Variants in DDHD2 observed in about 807,000 individuals in gnomAD.
DDHD2 encodes DDHD domain containing 2.
DDHD2 carries 62 observed loss-of-function variants against 91.2 expected under a neutral mutation model. The observed-to-expected ratio is 0.68, with a 90% CI of 0.55 to 0.84. The LOEUF (loss-of-function observed/expected upper bound fraction) is 0.84. DDHD2 is among the 40% of genes least tolerant of loss of function. DDHD2 has a pLI of 0.00. For missense variants in DDHD2, 740 were observed against 846.9 expected (o/e 0.87, Z 1.57); for synonymous variants, 271 against 293.9 (o/e 0.92, Z 0.80).
intron 16 of DDHD2, among the ~76,000 whole-genome samples, chr8:38,256,552 G>T (rs1347587901): frequency 6.6e-6 from 1 of 152,106 alleles, no homozygotes; most frequent in Non-Finnish European, 1.5e-5. Context: ...CAAACTCCCG[G>T]CCTCAAGCAG....
At chr8:38,268,722 C>T (rs1217987630) in intron 1 of DDHD2, 2 of 1,434,048 alleles carry the variant, frequency 1.4e-6, no homozygotes, top group South Asian at 1.5e-5. Context: ...CTCTCTCAAT[C>T]AGGATCTTAA....
chr8:38,254,150 C>T (rs1563313815), intron 16 of DDHD2, among the ~76,000 whole-genome samples: 1 of 151,914 alleles, frequency 6.6e-6, no homozygotes, highest in African/African-American at 2.4e-5. Flanking sequence ...ACAATCATGT[C>T]ATTTCAAGAA....
At chr8:38,236,436 CCT>C (rs1414254434) in intron 3 of DDHD2, among the ~76,000 whole-genome samples, 3 of 151,690 alleles carry the variant, frequency 2.0e-5, no homozygotes, top group Non-Finnish European at 4.4e-5. Context: ...CTCACTGCAA[CCT>C]CTGCATCCTG....
chr8:38,266,252 T>C (rs1427219188), downstream of DDHD2: 2 of 1,613,832 alleles, frequency 1.2e-6, no homozygotes, highest in Admixed American at 3.3e-5. Flanking sequence ...CCTTGTGGTG[T>C]GAAGCAGTGT....
rs1805234108 is a variant in DDHD2 at position 38,241,257 on chromosome 8, G to A, written c.712+893G>A. Among the ~76,000 whole-genome samples the A allele has an allele frequency of 2.6e-5, 4 of 151,456 alleles. No individual in the cohort carries two copies. In the South Asian group the frequency reaches 6.3e-4, roughly 24 times the overall value. On this transcript the variant is annotated intron_variant, in intron 6 of 17. Transcript: ENST00000397166. ...TTTTTTTTTCTTTAAAGTATTGGGT[G>A]GTGCTTGTTTATAAGAACCAGAAAG...
downstream of DDHD2, chr8:38,263,493 A>G: frequency 1.0e-6 from 1 of 985,386 alleles, no homozygotes; most frequent in South Asian, 4.7e-5. Flanking sequence ...TAGTGCTGAA[A>G]CCACACTCCT....
At chr8:38,266,312 C>A, downstream of DDHD2, 2 of 1,609,970 alleles carry the variant, frequency 1.2e-6, no homozygotes, top group Non-Finnish European at 1.7e-6. Flanking sequence ...GCAAATGCAA[C>A]TGGAACAAGA....
Position 38,252,743 on chromosome 8 carries a change from A to G in DDHD2, c.1639A>G (p.Ile547Val). The G allele has an allele frequency of 6.2e-7, 1 of 1,613,766 alleles. No individual in the cohort carries two copies. Among genetic ancestry groups the G allele is most frequent in the Non-Finnish European group, 8.5e-7 (1 of 1,179,838 alleles). ...YHPFDPVAYR[I>V]EPMVVPGVEF... is the part of the protein sequence containing the mutation. Reference sequence around the variant, plus strand: ...GTAGTTTGATCCTGTGGCCTATAGGATTGAACCAATGGTGGTCCCAGGAGT... The same window carrying G: ...GTAGTTTGATCCTGTGGCCTATAGGGTTGAACCAATGGTGGTCCCAGGAGT... The change falls in exon 14 of 18, where the codon ATT (isoleucine) becomes GTT (valine). Residue 547 changes from isoleucine to valine, a missense_variant. Physicochemically the swap from Ile to Val is conservative, Grantham distance 29. This residue lies in a region of DDHD2 where 693 missense variants were observed against 764.2 expected (regional missense o/e 0.91). Coordinates refer to ENST00000397166, the MANE Select transcript of DDHD2 (RefSeq NM_015214.3).
At chr8:38,255,819 C>T (rs988749851) in intron 16 of DDHD2, among the ~76,000 whole-genome samples, 1 of 151,978 alleles carries the variant, frequency 6.6e-6, no homozygotes, top group African/African-American at 2.4e-5. Context: ...GTCATTTCAC[C>T]TACTCATGAG....
chr8:38,249,232 C>G (rs955378532), intron 10 of DDHD2, among the ~76,000 whole-genome samples: 4 of 151,896 alleles, frequency 2.6e-5, no homozygotes, highest in Non-Finnish European at 5.9e-5. Context: ...CCTGCCTCAG[C>G]CTCCTGTGTA....
At chr8:38,269,158 C>A in intron 1 of DDHD2, 1 of 1,513,408 alleles carries the variant, frequency 6.6e-7, no homozygotes, top group South Asian at 1.2e-5. Context: ...GCCGCACGCC[C>A]ACTTCGGCCC....
At chr8:38,235,898 CACAA>C (rs1463450672) in intron 3 of DDHD2, among the ~76,000 whole-genome samples, 1 of 151,492 alleles carries the variant, frequency 6.6e-6, no homozygotes, top group Non-Finnish European at 1.5e-5. Flanking sequence ...CACACACACA[CACAA>C]ATACAAATGC....
downstream of DDHD2, chr8:38,267,369 G>C (rs745649397): frequency 1.2e-6 from 2 of 1,613,448 alleles, no homozygotes; most frequent in African/African-American, 1.3e-5. Context: ...GGGAAGCAGC[G>C]GTAGAAGAAA....
At chr8:38,264,904 T>A, downstream of DDHD2, 1 of 1,612,822 alleles carries the variant, frequency 6.2e-7, no homozygotes, top group Non-Finnish European at 8.5e-7. Flanking sequence ...GTAACAAAGG[T>A]CCACTTATTG....
chr8:38,240,479 A>C, intron 6 of DDHD2, 115 bp downstream of exon 6: 1 of 655,746 alleles, frequency 1.5e-6, no homozygotes, highest in Non-Finnish European at 2.5e-6. Flanking sequence ...AGTTAAAGAC[A>C]GGTGGCAAGG....
intron 16 of DDHD2, among the ~76,000 whole-genome samples, chr8:38,258,254 T>TC (rs775378812): frequency 2.6e-4 from 39 of 151,630 alleles, no homozygotes; most frequent in Non-Finnish European, 4.7e-4. Flanking sequence ...TTAATTAAAT[T>TC]CTTTTTTTTT....
chr8:38,269,232 C>A, intron 1 of DDHD2: 1 of 1,448,800 alleles, frequency 6.9e-7, no homozygotes, highest in Non-Finnish European at 9.0e-7. Context: ...GCTGCGCTGA[C>A]GTGGCCACCT....
In DDHD2 at chr8:38,262,760, T is replaced by C. The variant is rs1157524077; in HGVS notation, c.*2187T>C. Reference sequence around the variant, plus strand: ...TTTAAAACTTTAGTAAATACTAACATGAAACCATATTGACTAGTGGCCTAC... The same window carrying C: ...TTTAAAACTTTAGTAAATACTAACACGAAACCATATTGACTAGTGGCCTAC... On this transcript the variant is annotated 3_prime_UTR_variant, in exon 18 of 18. Transcript: ENST00000397166. 6.6e-6 allele frequency: 1 copy of C among 152,216 alleles called. No homozygotes were observed. The highest frequency in any genetic ancestry group is 1.5e-5 in the Non-Finnish European group (1 of 68,032). 9.4% of individuals were successfully genotyped at this position (152,216 alleles called of 1,614,324 possible).
chr8:38,238,007 A>G (rs886328001), intron 4 of DDHD2, 82 bp from the exon 5 acceptor site: 3 of 1,380,416 alleles, frequency 2.2e-6, no homozygotes, highest in Non-Finnish European at 2.9e-6. Context: ...TTTGAAAGAC[A>G]TGATTCTACA....
Sources: allele counts gnomAD v4.1 joint callset (sites outside exome capture counted in the v4.1 genomes callset), GRCh38; gene constraint gnomAD v4.1.1; regional missense constraint gnomAD v4.1.1; transcripts MANE v1.5; gene names NCBI Gene and HGNC (gene_info 2026-07-23, HGNC 2026-07-21).